Variants in FGF12 observed in about 807,000 individuals in gnomAD.
The protein encoded by FGF12 is fibroblast growth factor 12, also known as fibroblast growth factor 12B.
A neutral mutation model predicts 23.6 loss-of-function variants in FGF12; 14 were observed. That is an observed-to-expected ratio of 0.59 (90% CI 0.39 to 0.93). FGF12 has a LOEUF of 0.93. Ranked by LOEUF, FGF12 falls within the 40% of genes least tolerant of loss-of-function variation. The probability of loss-of-function intolerance (pLI) is 0.00; values close to 1 mark genes in which losing one functional copy is unlikely to be tolerated. For synonymous variants in FGF12, 62 were observed against 77.3 expected (o/e 0.80, Z 1.04); for missense variants, 175 against 217.8 (o/e 0.80, Z 1.24).
intron 4 of FGF12, among the ~76,000 whole-genome samples, chr3:192,235,604 G>T (rs1441654529): frequency 6.6e-6 from 1 of 152,154 alleles, no homozygotes; most frequent in Non-Finnish European, 1.5e-5. Flanking sequence ...TTACAGGCGT[G>T]AGCCACTGCA....
intron 2 of FGF12, chr3:192,407,985 C>A: frequency 1.3e-6 from 2 of 1,541,180 alleles, no homozygotes; most frequent in Middle Eastern, 1.8e-4. Flanking sequence ...AGAAAGAGGG[C>A]GTCCCCTCTG....
intron 2 of FGF12, among the ~76,000 whole-genome samples, chr3:192,567,733 GTCTCTTTCTTTCTTTCTT>G (rs1712368062): frequency 7.1e-6 from 1 of 141,020 alleles, no homozygotes; most frequent in South Asian, 2.3e-4. Flanking sequence ...TTCTCCATGT[GTCTCTTTCTTTCTTTCTT>G]TCTTTCTTTC....
intron 2 of FGF12, among the ~76,000 whole-genome samples, chr3:192,439,704 T>G (rs139487045): frequency 6.6e-6 from 1 of 152,052 alleles, no homozygotes; most frequent in South Asian, 2.1e-4. Context: ...TGGCCAGGCG[T>G]GGTGGCTCAC....
At chr3:192,387,519 T>C (rs985405528) in intron 2 of FGF12, among the ~76,000 whole-genome samples, 5 of 152,136 alleles carry the variant, frequency 3.3e-5, no homozygotes, top group Admixed American at 2.0e-4. Context: ...AATTTCATTC[T>C]TTCAATAAAG....
intron 2 of FGF12, among the ~76,000 whole-genome samples, chr3:192,670,692 A>T (rs1208707458): frequency 6.6e-6 from 1 of 152,206 alleles, no homozygotes; most frequent in Non-Finnish European, 1.5e-5. Flanking sequence ...CAAACAGTTA[A>T]AGCACTGAAT....
chr3:192,384,098 T>G (rs1719938692), intron 2 of FGF12, among the ~76,000 whole-genome samples: 1 of 152,196 alleles, frequency 6.6e-6, no homozygotes, highest in African/African-American at 2.4e-5. Flanking sequence ...AGAAGTCACA[T>G]AAATGAGGGC....
chr3:192,421,978 C>G (rs1721544008), intron 2 of FGF12, among the ~76,000 whole-genome samples: 1 of 151,542 alleles, frequency 6.6e-6, no homozygotes, highest in Non-Finnish European at 1.5e-5. Flanking sequence ...GGAGATGGCC[C>G]AAAACAACAT....
chr3:192,418,804 G>A (rs1203464885), intron 2 of FGF12, among the ~76,000 whole-genome samples: 2 of 152,132 alleles, frequency 1.3e-5, no homozygotes, highest in Admixed American at 1.3e-4. Flanking sequence ...AGTTTCCAGA[G>A]GTCTCCCAAG....
intron 2 of FGF12, among the ~76,000 whole-genome samples, chr3:192,478,492 T>C (rs571211076): frequency 6.6e-6 from 1 of 152,300 alleles, no homozygotes; most frequent in East Asian, 1.9e-4. Context: ...TAAAATATTA[T>C]GTAAAGGTAA....
intron 3 of FGF12, among the ~76,000 whole-genome samples, chr3:192,358,484 G>C (rs1484769171): frequency 6.6e-6 from 1 of 152,112 alleles, no homozygotes; most frequent in African/African-American, 2.4e-5. Flanking sequence ...GTGTGTGTGT[G>C]TGTGTATGTG....
chr3:192,377,839 GC>G (rs1719590500), intron 2 of FGF12, among the ~76,000 whole-genome samples: 1 of 152,114 alleles, frequency 6.6e-6, no homozygotes. Flanking sequence ...TCATTCTATT[GC>G]TTTAAGGAGA....
At chr3:192,651,914 T>C (rs566321418) in intron 2 of FGF12, among the ~76,000 whole-genome samples, 1 of 152,328 alleles carries the variant, frequency 6.6e-6, no homozygotes, top group Non-Finnish European at 1.5e-5. Context: ...TCAATTCAGC[T>C]TCATTCTGTT....
At chr3:192,151,019 A>G (rs1295269393) in intron 5 of FGF12, among the ~76,000 whole-genome samples, 48 of 147,268 alleles carry the variant, frequency 3.3e-4, no homozygotes, top group Non-Finnish European at 6.0e-4. Flanking sequence ...TTCTCCTTGA[A>G]GAGGTCCTTC....
chr3:192,602,392 C>T (rs1714150810), intron 2 of FGF12, among the ~76,000 whole-genome samples: 1 of 152,042 alleles, frequency 6.6e-6, no homozygotes. Flanking sequence ...CAGGGAAGCT[C>T]CTTCCCAGGA....
At chr3:192,369,461 C>A (rs780283758) in intron 2 of FGF12, among the ~76,000 whole-genome samples, 2 of 152,212 alleles carry the variant, frequency 1.3e-5, no homozygotes, top group Non-Finnish European at 1.5e-5. Context: ...AATCCTCAAT[C>A]TTCATATTGT....
intron 4 of FGF12, among the ~76,000 whole-genome samples, chr3:192,332,773 C>T (rs192787866): frequency 2.2e-4 from 33 of 152,216 alleles, no homozygotes; most frequent in Admixed American, 1.5e-3. Context: ...CAGCACTCTC[C>T]TCTCTCTCCA....
intron 2 of FGF12, among the ~76,000 whole-genome samples, chr3:192,502,430 C>T (rs190384792): frequency 6.6e-6 from 1 of 152,300 alleles, no homozygotes; most frequent in Admixed American, 6.5e-5. Flanking sequence ...AAGAGCATGT[C>T]AGACTAATCT....
intron 4 of FGF12, among the ~76,000 whole-genome samples, chr3:192,225,996 T>G (rs1718713145): frequency 6.6e-6 from 1 of 152,154 alleles, no homozygotes; most frequent in Non-Finnish European, 1.5e-5. Flanking sequence ...GGATTTATTT[T>G]GGGGGTGATG....
chr3:192,221,388 T>C (rs1441897262), intron 4 of FGF12, among the ~76,000 whole-genome samples: 1 of 152,204 alleles, frequency 6.6e-6, no homozygotes, highest in South Asian at 2.1e-4. Context: ...TAAAATGCTA[T>C]GCATACGTAG....
Sources: allele counts gnomAD v4.1 joint callset (sites outside exome capture counted in the v4.1 genomes callset), GRCh38; gene constraint gnomAD v4.1.1; transcripts MANE v1.5; gene names NCBI Gene and HGNC (gene_info 2026-07-23, HGNC 2026-07-21).